CABP1: variants seen among roughly 807,000 people sequenced by gnomAD.
CABP1 encodes calcium binding protein 1.
A neutral mutation model predicts 34.3 loss-of-function variants in CABP1; 17 were observed. The ratio of observed to expected loss-of-function variants is 0.50; its 90% CI spans 0.34 to 0.74. CABP1 has a LOEUF of 0.74. Ranked by LOEUF, CABP1 falls within the 30% of genes least tolerant of loss-of-function variation. The pLI, the probability that CABP1 is intolerant of heterozygous loss-of-function variation, is 0.01. For missense variants in CABP1, 373 were observed against 511.1 expected (o/e 0.73, Z 2.61); for synonymous variants, 198 against 229.2 (o/e 0.86, Z 1.23).
rs767995821 is a variant in CABP1, at chr12:120,659,880, T to C, written c.657T>C (p.Asp219=). ...TAGGACATGTTCTTTTGTTTCAGGA[T>C]AGATCACTGCGACCAGAGGAAATTG... The part of the protein sequence containing the change: ...RPMLSSAFGQ[D]RSLRPEEIEE... Residue 219 remains aspartate (D), a splice_region_variant and synonymous_variant, in exon 2 of 6, where the codon GAT becomes GAC. Coordinates refer to ENST00000316803, the MANE Select transcript of CABP1 (RefSeq NM_001033677.2). The C allele has an allele frequency of 1.2e-6, 2 of 1,613,964 alleles. No individual in the cohort carries two copies. Among genetic ancestry groups the C allele is most frequent in the Admixed American group, 1.7e-5 (1 of 59,942 alleles).
At chr12:120,664,254 C>A (rs1431049916) in intron 5 of CABP1, among the ~76,000 whole-genome samples, 2 of 152,140 alleles carry the variant, frequency 1.3e-5, no homozygotes, top group African/African-American at 2.4e-5. Context: ...ATAGCATAAT[C>A]CATGTGTGCT....
In CABP1 at chr12:120,650,434, A is replaced by C. The variant is rs1378896445; in HGVS notation, c.654+9095A>C. ...ACACAAACACACACACAATCCACCC[A>C]AAAAAAAAAAAAATCGGAGAGCAGG... On this transcript the variant is annotated intron_variant, in intron 1 of 5. Transcript: ENST00000316803. 1.9e-3 allele frequency: 170 copies of C among 87,444 alleles called. No individual in the cohort carries two copies. In the South Asian group the frequency reaches 0.021, roughly 11 times the overall value. The allele number at this position is 87,444 out of a possible 1,614,324, so 5.4% of individuals were successfully genotyped here.
intron 1 of CABP1, among the ~76,000 whole-genome samples, chr12:120,649,512 C>T (rs11065187): frequency 0.014 from 2,144 of 152,238 alleles, 56 homozygotes; most frequent in African/African-American, 0.049. Flanking sequence ...CGAGGAAGAG[C>T]CAGTCATCTA....
chr12:120,674,170 C>G, the CABP1 span, among the ~76,000 whole-genome samples: 1 of 152,188 alleles, frequency 6.6e-6, no homozygotes, highest in African/African-American at 2.4e-5. Flanking sequence ...GATGATGGAA[C>G]GAGGCCATAT....
chr12:120,665,760 G>A (rs1015549952), intron 5 of CABP1, among the ~76,000 whole-genome samples: 3 of 151,876 alleles, frequency 2.0e-5, no homozygotes, highest in Non-Finnish European at 4.4e-5. Context: ...GGTGGCTCAC[G>A]CCTGTAATCC....
intron 1 of CABP1, among the ~76,000 whole-genome samples, chr12:120,651,241 C>T (rs1340941147): frequency 2.6e-5 from 4 of 152,040 alleles, no homozygotes; most frequent in South Asian, 2.1e-4. Context: ...AAATAGGACC[C>T]GAGTGGTTTT....
At chr12:120,649,443 T>A (rs1040010828) in intron 1 of CABP1, among the ~76,000 whole-genome samples, 5 of 151,984 alleles carry the variant, frequency 3.3e-5, no homozygotes, top group African/African-American at 1.2e-4. Flanking sequence ...GGGCTGTAGG[T>A]CTCAAACCGG....
chr12:120,642,933 C>T (rs1879401546), intron 1 of CABP1, among the ~76,000 whole-genome samples: 1 of 127,614 alleles, frequency 7.8e-6, no homozygotes, highest in African/African-American at 3.1e-5. Flanking sequence ...AAGGGTAGGT[C>T]ATTGGCCTAG....
At chr12:120,656,650 C>T (rs925944649) in intron 1 of CABP1, among the ~76,000 whole-genome samples, 1 of 152,106 alleles carries the variant, frequency 6.6e-6, no homozygotes, top group Admixed American at 6.6e-5. Context: ...AATCCCAGCA[C>T]TTTGGGAGGC....
the CABP1 span, among the ~76,000 whole-genome samples, chr12:120,673,009 G>A: frequency 6.6e-6 from 1 of 151,908 alleles, no homozygotes; most frequent in African/African-American, 2.4e-5. Flanking sequence ...CAGCCTGGGC[G>A]ATACAGCAAG....
At chr12:120,646,505 C>T (rs964948498) in intron 1 of CABP1, among the ~76,000 whole-genome samples, 2 of 152,062 alleles carry the variant, frequency 1.3e-5, no homozygotes. Flanking sequence ...CACCGTTCAG[C>T]CTTTTTTGTT....
At position 120,658,425 on chromosome 12, in the gene CABP1, A is replaced by G. The variant is rs533352005; in HGVS notation, c.655-1453A>G. ...TAGCGAGCTTTTTAGGTGAACGTCC[A>G]TGCAGTCATCTCAGAGACACGCCTC... On this transcript the variant is annotated intron_variant, in intron 1 of 5. Coordinates refer to ENST00000316803, the MANE Select transcript of CABP1 (RefSeq NM_001033677.2). 9.2e-5 allele frequency among the ~76,000 whole-genome samples: 14 copies of G among 152,148 alleles called. No individual in the cohort carries two copies. The East Asian group carries it at 1.7e-3, about 19-fold the overall frequency.
At chr12:120,647,408 A>G (rs553020686) in intron 1 of CABP1, among the ~76,000 whole-genome samples, 28 of 150,888 alleles carry the variant, frequency 1.9e-4, no homozygotes, top group Non-Finnish European at 3.8e-4. Context: ...TTTTAAATAG[A>G]GATGAGGTCT....
chr12:120,651,487 T>C (rs78041572), intron 1 of CABP1, among the ~76,000 whole-genome samples: 2,185 of 152,326 alleles, frequency 0.014, 62 homozygotes, highest in African/African-American at 0.049. Context: ...TTTCTAGCCC[T>C]CTGTTGCCAG....
Position 120,641,596 on chromosome 12 carries a change from A to C in CABP1, c.654+257A>C, listed in dbSNP as rs1019036623. The C allele has an allele frequency of 2.8e-6, 1 of 362,650 alleles. No individual in the cohort carries two copies. 22.5% of individuals were successfully genotyped at this position (362,650 alleles called of 1,614,324 possible). A position where few individuals can be genotyped will look rare whatever the true frequency, so the allele number is the denominator to read the frequency against. ...GCTAGCCTCCCTCATACCCGCCAGA[A>C]CCCGCCAGTCCTGGAAGAGAGCGAC... On this transcript the variant is annotated intron_variant, in intron 1 of 5. Transcript: ENST00000316803. The surrounding 1 kb of genome is among the most constrained non-coding windows in gnomAD (Gnocchi z 6.7).
intron 1 of CABP1, among the ~76,000 whole-genome samples, chr12:120,646,381 C>T (rs1039085928): frequency 6.6e-6 from 1 of 152,224 alleles, no homozygotes; most frequent in African/African-American, 2.4e-5. Flanking sequence ...CTGATCCTAT[C>T]ATTCCATTCC....
chr12:120,641,249 G>C lies in CABP1; in HGVS notation c.564G>C (p.Arg188=). Residue 188 remains arginine, a synonymous_variant, in exon 1 of 6, where the codon CGG becomes CGC. Coordinates refer to ENST00000316803, the MANE Select transcript of CABP1 (RefSeq NM_001033677.2). This position sits in a 1 kb window ranked among gnomAD's most constrained non-coding sequence, Gnocchi z 6.7. ...ALGLRGSLRA[R]GRGDSVPAAA... ...GCCTCCGGGGCTCTCTGCGAGCCCG[G>C]GGCCGCGGGGACTCCGTTCCAGCCG... is the stretch of plus-strand genomic sequence containing the variant. 1 of 1,290,536 alleles carries C rather than the reference G, an allele frequency of 7.7e-7. No individual in the cohort carries two copies. Among genetic ancestry groups the C allele is most frequent in the South Asian group, 2.4e-5 (1 of 41,048 alleles). The allele number at this position is 1,290,536 out of a possible 1,614,324, so 79.9% of individuals were successfully genotyped here.
intron 5 of CABP1, among the ~76,000 whole-genome samples, chr12:120,663,028 C>T (rs746719018): frequency 2.6e-5 from 4 of 152,094 alleles, no homozygotes; most frequent in African/African-American, 4.8e-5. Context: ...GCCCAAGGGA[C>T]ATTCTTCATG....
At chr12:120,663,136 T>C (rs1047072795) in intron 5 of CABP1, among the ~76,000 whole-genome samples, 2 of 152,358 alleles carry the variant, frequency 1.3e-5, no homozygotes, top group East Asian at 1.9e-4. Flanking sequence ...GCTCACCTGT[T>C]CTTCACACTG....
Sources: gnomAD v4.1 joint callset for allele counts (sites outside exome capture counted in the v4.1 genomes callset) on GRCh38, gnomAD v4.1.1 for gene constraint, Gnocchi (gnomAD v3.1) non-coding constraint, MANE v1.5 for transcripts, NCBI Gene and HGNC (gene_info 2026-07-23, HGNC 2026-07-21) for gene names.